The following INPP4B variants were observed in gnomAD, a reference collection of about 807,000 sequenced individuals.
INPP4B encodes inositol polyphosphate 4-phosphatase type II.
In INPP4B, 55 loss-of-function variants were observed where a neutral mutation model predicts 122.5. The ratio of observed to expected loss-of-function variants is 0.45; its 90% CI spans 0.36 to 0.56. The LOEUF (loss-of-function observed/expected upper bound fraction) is 0.56, where lower values mean the gene tolerates loss of function less well. INPP4B is among the 20% of genes least tolerant of loss of function. The pLI, the probability that INPP4B is intolerant of heterozygous loss-of-function variation, is 0.00. For synonymous variants in INPP4B, 403 were observed against 388.7 expected (o/e 1.04, Z -0.43); for missense variants, 1,000 against 1,097.7 (o/e 0.91, Z 1.26).
At chr4:142,588,089 A>G (rs911090514) in intron 2 of INPP4B, among the ~76,000 whole-genome samples, 5 of 151,940 alleles carry the variant, frequency 3.3e-5, no homozygotes, top group Admixed American at 6.6e-5. Flanking sequence ...AAATACAGAA[A>G]AAGCATTTTT....
At chr4:142,415,995 G>A (rs1470006917) in intron 5 of INPP4B, among the ~76,000 whole-genome samples, 1 of 150,756 alleles carries the variant, frequency 6.6e-6, no homozygotes, top group Non-Finnish European at 1.5e-5. Context: ...ACACTCTGGG[G>A]ACTGTTGTGG....
intron 2 of INPP4B, among the ~76,000 whole-genome samples, chr4:142,558,815 A>T (rs1420320191): frequency 6.7e-6 from 1 of 148,494 alleles, no homozygotes; most frequent in African/African-American, 2.5e-5. Context: ...AAAAAAAAAA[A>T]AAAAAAAAGA....
intron 2 of INPP4B, among the ~76,000 whole-genome samples, chr4:142,585,855 A>ATTT (rs1387102159): frequency 1.4e-5 from 2 of 144,584 alleles, no homozygotes; most frequent in African/African-American, 5.3e-5. Flanking sequence ...CTTTATTATT[A>ATTT]TTATTATTAT....
chr4:142,335,838 A>T (rs1579772546), intron 7 of INPP4B, among the ~76,000 whole-genome samples: 1 of 152,198 alleles, frequency 6.6e-6, no homozygotes, highest in Non-Finnish European at 1.5e-5. Flanking sequence ...GTGGCAGGAG[A>T]CAGACAAATT....
At chr4:142,562,706 G>GA (rs894680184) in intron 2 of INPP4B, among the ~76,000 whole-genome samples, 29 of 149,568 alleles carry the variant, frequency 1.9e-4, no homozygotes, top group Middle Eastern at 3.2e-3. Context: ...GAATCTATAA[G>GA]AAAAAAAAAT....
intron 5 of INPP4B, among the ~76,000 whole-genome samples, chr4:142,418,376 G>C (rs1286965615): frequency 6.6e-6 from 1 of 152,088 alleles, no homozygotes; most frequent in Non-Finnish European, 1.5e-5. Flanking sequence ...TCAGCCCATA[G>C]ATATTTATTG....
intron 2 of INPP4B, among the ~76,000 whole-genome samples, chr4:142,574,043 A>C (rs531792488): frequency 5.3e-5 from 8 of 152,220 alleles, no homozygotes; most frequent in African/African-American, 1.9e-4. Flanking sequence ...TCAAAGGGTA[A>C]AAAGTACCAT....
At chr4:142,107,795 G>T (rs949346353) in intron 23 of INPP4B, among the ~76,000 whole-genome samples, 1 of 152,012 alleles carries the variant, frequency 6.6e-6, no homozygotes, top group East Asian at 1.9e-4. Context: ...ATTTTTATCA[G>T]ACTAATTAAA....
intron 10 of INPP4B, among the ~76,000 whole-genome samples, chr4:142,265,149 C>T (rs72939289): frequency 4.6e-5 from 7 of 152,240 alleles, no homozygotes; most frequent in Middle Eastern, 3.4e-3. Flanking sequence ...CTTCCAGAAC[C>T]GTGAGAAAAT....
intron 8 of INPP4B, among the ~76,000 whole-genome samples, chr4:142,312,112 CAGGAATTATAGCCG>C (rs1765732932): frequency 6.6e-6 from 1 of 152,100 alleles, no homozygotes; most frequent in South Asian, 2.1e-4. Flanking sequence ...TCTTTTAGTC[CAGGAATTATAGCCG>C]AGTTTTTTCA....
chr4:142,697,577 C>A (rs1288296049), intron 2 of INPP4B, among the ~76,000 whole-genome samples: 2 of 152,102 alleles, frequency 1.3e-5, no homozygotes, highest in Non-Finnish European at 2.9e-5. Flanking sequence ...TCTTGCTGGG[C>A]TTTTCTATAT....
intron 1 of INPP4B, among the ~76,000 whole-genome samples, chr4:142,739,592 A>C (rs1314291270): frequency 6.6e-6 from 1 of 151,972 alleles, no homozygotes; most frequent in Non-Finnish European, 1.5e-5. Flanking sequence ...ATACACCACC[A>C]CCACAAAATG....
chr4:142,258,868 G>T (rs1454626466), intron 11 of INPP4B, among the ~76,000 whole-genome samples: 6 of 152,058 alleles, frequency 3.9e-5, no homozygotes, highest in Admixed American at 3.9e-4. Context: ...ATACCCAAAG[G>T]ACTATAAATC....
At position 142,701,450 on chromosome 4, in the gene INPP4B, A is replaced by G. The variant is rs1761750799; in HGVS notation, c.-191+24389T>C. Among the ~76,000 whole-genome samples, 3 of 151,746 alleles carry G rather than the reference A, an allele frequency of 2.0e-5. 1 individual carries two copies. In the South Asian group the frequency reaches 6.3e-4, roughly 32 times the overall value. ...CTCTAACTGGTGCAATCAGGCTGGCATGATCATCAGATACATGCTGAAAAT... is the reference window on the plus strand; with the variant it reads ...CTCTAACTGGTGCAATCAGGCTGGCGTGATCATCAGATACATGCTGAAAAT... On this transcript the variant is annotated intron_variant, in intron 2 of 25. Coordinates refer to ENST00000262992, the MANE Select transcript of INPP4B (RefSeq NM_001101669.3).
At chr4:142,189,947 G>T (rs1296654609) in intron 15 of INPP4B, among the ~76,000 whole-genome samples, 9 of 152,076 alleles carry the variant, frequency 5.9e-5, no homozygotes, top group Non-Finnish European at 1.5e-5. Flanking sequence ...ATGGTTGTAT[G>T]ACCTGAATTG....
In INPP4B at chr4:142,173,787, A is replaced by G. The variant is rs1238646393; in HGVS notation, c.1204T>C (p.Tyr402His). 4 of 1,613,022 alleles carry G rather than the reference A, an allele frequency of 2.5e-6. No individual in the cohort carries two copies. Among genetic ancestry groups the G allele is most frequent in the Admixed American group, 1.7e-5 (1 of 59,918 alleles). ...RRNTGYQFIY[Y>H]SPENTAKAKE... ...GCTTTGGCTGTGTTTTCAGGTGAAT[A>G]GTAAATAAACTGGTATCCGGTACTG... Residue 402 changes from tyrosine to histidine, a missense_variant, in exon 16 of 26, where the codon TAT becomes CAT. Tyr to His is a moderately conservative substitution (Grantham distance 83). Transcript: ENST00000262992.
chr4:142,531,834 C>A (rs576954980), intron 2 of INPP4B, among the ~76,000 whole-genome samples: 40 of 152,038 alleles, frequency 2.6e-4, no homozygotes, highest in East Asian at 1.9e-4. Flanking sequence ...TTTACAAAGG[C>A]CAGTTCTTAG....
chr4:142,486,902 G>A (rs943223171), intron 2 of INPP4B, among the ~76,000 whole-genome samples: 1 of 152,090 alleles, frequency 6.6e-6, no homozygotes, highest in Non-Finnish European at 1.5e-5. Flanking sequence ...CTATATACAG[G>A]TCTCTTGTGG....
intron 11 of INPP4B, among the ~76,000 whole-genome samples, chr4:142,241,045 C>T (rs1388220096): frequency 2.0e-5 from 3 of 152,136 alleles, no homozygotes; most frequent in African/African-American, 4.8e-5. Context: ...TGCTCACACA[C>T]ACTCCAGCTG....
Sources: gnomAD v4.1 joint callset for allele counts (sites outside exome capture counted in the v4.1 genomes callset) on GRCh38, gnomAD v4.1.1 for gene constraint, MANE v1.5 for transcripts, NCBI Gene and HGNC (gene_info 2026-07-23, HGNC 2026-07-21) for gene names.